Variants in CHCHD3 observed in about 807,000 individuals in gnomAD.
CHCHD3 encodes the protein coiled-coil-helix-coiled-coil-helix domain containing 3, also known as MICOS complex subunit MIC19.
A neutral mutation model predicts 38.2 loss-of-function variants in CHCHD3; 20 were observed. The ratio of observed to expected loss-of-function variants is 0.52; its 90% CI spans 0.37 to 0.76. The LOEUF (loss-of-function observed/expected upper bound fraction) is 0.76. Among genes scored for constraint, CHCHD3 ranks in the 30% least tolerant of loss-of-function variants. The pLI, the probability that CHCHD3 is intolerant of heterozygous loss-of-function variation, is 0.00. For missense variants in CHCHD3, 245 were observed against 279.2 expected (o/e 0.88, Z 0.87); for synonymous variants, 82 against 100.0 (o/e 0.82, Z 1.07).
At chr7:133,001,686 T>C (rs1356610732) in intron 3 of CHCHD3, among the ~76,000 whole-genome samples, 1 of 152,128 alleles carries the variant, frequency 6.6e-6, no homozygotes, top group African/African-American at 2.4e-5. Context: ...TCTTCCATTT[T>C]CATCAACAAA....
intron 3 of CHCHD3, among the ~76,000 whole-genome samples, chr7:133,006,679 T>C (rs1273649367): frequency 1.3e-5 from 2 of 152,020 alleles, no homozygotes; most frequent in African/African-American, 4.8e-5. Flanking sequence ...AATTTGACAA[T>C]AATAATATTT....
At chr7:132,794,014 G>C (rs904593202) in intron 7 of CHCHD3, among the ~76,000 whole-genome samples, 26 of 152,200 alleles carry the variant, frequency 1.7e-4, no homozygotes, top group African/African-American at 6.3e-4. Flanking sequence ...AACTGCTCAT[G>C]AAACACTGAT....
At chr7:132,860,746 C>T (rs1033214781) in intron 5 of CHCHD3, among the ~76,000 whole-genome samples, 1 of 152,086 alleles carries the variant, frequency 6.6e-6, no homozygotes, top group Non-Finnish European at 1.5e-5. Flanking sequence ...CCTGCCTCGG[C>T]CTCCCAAATA....
At chr7:133,051,615 TA>T (rs1408703508) in intron 2 of CHCHD3, among the ~76,000 whole-genome samples, 5 of 152,208 alleles carry the variant, frequency 3.3e-5, no homozygotes, top group African/African-American at 9.6e-5. Context: ...TTTTAAATTT[TA>T]TATATTAGTT....
intron 3 of CHCHD3, among the ~76,000 whole-genome samples, chr7:133,015,656 A>C (rs1264174701): frequency 6.6e-6 from 1 of 152,222 alleles, no homozygotes. Flanking sequence ...CCCTGTCCAC[A>C]CAGAAAGTAA....
chr7:133,032,146 T>G (rs1292622926), intron 2 of CHCHD3, among the ~76,000 whole-genome samples: 1 of 152,120 alleles, frequency 6.6e-6, no homozygotes, highest in Non-Finnish European at 1.5e-5. Context: ...AATAAACATG[T>G]TTATTATCCA....
At position 133,035,237 on chromosome 7, in the gene CHCHD3, C is replaced by A. The variant is rs1584661812; in HGVS notation, c.170-10610G>T. ...AACCCTTCTCTTTCCGTGGTGTGTCCTTTTTAGGCTGGGTCTCTGCAAACT... is the reference window on the plus strand; with the variant it reads ...AACCCTTCTCTTTCCGTGGTGTGTCATTTTTAGGCTGGGTCTCTGCAAACT... On this transcript the variant is annotated intron_variant, in intron 2 of 7. Transcript: ENST00000262570. The surrounding 1 kb of genome is among the most constrained non-coding windows in gnomAD (Gnocchi z 4.7). The A allele has an allele frequency of 2.5e-6, 4 of 1,613,680 alleles. No individual in the cohort carries two copies. The East Asian group carries it at 8.9e-5, about 36-fold the overall frequency.
In CHCHD3 at chr7:132,886,785, G is replaced by A. The variant is rs770740119; in HGVS notation, c.370-1040C>T. 4.6e-5 allele frequency among the ~76,000 whole-genome samples: 7 copies of A among 151,384 alleles called. No individual in the cohort carries two copies. The South Asian group carries it at 1.5e-3, about 32-fold the overall frequency. On this transcript the variant is annotated intron_variant, in intron 4 of 7. Transcript: ENST00000262570. Reference sequence around the variant, plus strand: ...GTAAAGTGTATACATTTCTTTAATTGTATGCATCCAGCCATCCATTAACAA... The same window carrying A: ...GTAAAGTGTATACATTTCTTTAATTATATGCATCCAGCCATCCATTAACAA...
At chr7:133,032,376 A>G (rs1400784840) in intron 2 of CHCHD3, among the ~76,000 whole-genome samples, 1 of 152,220 alleles carries the variant, frequency 6.6e-6, no homozygotes, top group African/African-American at 2.4e-5. Context: ...AAAGTTCTGC[A>G]CTGCACATTC....
At chr7:133,038,106 T>C (rs1238183636) in intron 2 of CHCHD3, among the ~76,000 whole-genome samples, 1 of 152,174 alleles carries the variant, frequency 6.6e-6, no homozygotes, top group Non-Finnish European at 1.5e-5. Flanking sequence ...GAGAGTTGGC[T>C]GGGATTAAAG....
chr7:132,979,274 C>T (rs1432289440), intron 3 of CHCHD3, among the ~76,000 whole-genome samples: 1 of 152,136 alleles, frequency 6.6e-6, no homozygotes, highest in Non-Finnish European at 1.5e-5. Flanking sequence ...AATTTCTACT[C>T]GATGGGCACA....
At chr7:132,996,423 T>A (rs1240992925) in intron 3 of CHCHD3, among the ~76,000 whole-genome samples, 2 of 152,156 alleles carry the variant, frequency 1.3e-5, no homozygotes, top group African/African-American at 4.8e-5. Context: ...TAAAAAGTTA[T>A]CCCAAAGTTA....
chr7:132,881,548 C>T (rs1371981543), intron 5 of CHCHD3, among the ~76,000 whole-genome samples: 1 of 152,090 alleles, frequency 6.6e-6, no homozygotes, highest in African/African-American at 2.4e-5. Context: ...GTAAAAGACT[C>T]GTTGATGCAA....
chr7:132,820,677 G>C (rs1052098514), intron 6 of CHCHD3, among the ~76,000 whole-genome samples: 3 of 145,062 alleles, frequency 2.1e-5, no homozygotes, highest in Non-Finnish European at 4.5e-5. Flanking sequence ...AACTGCAGGG[G>C]TTAAACGGGC....
At chr7:132,946,237 T>C (rs7786750) in intron 4 of CHCHD3, among the ~76,000 whole-genome samples, 2,858 of 151,934 alleles carry the variant, frequency 0.019, 102 homozygotes, top group African/African-American at 0.065. Context: ...CTCACTGTTA[T>C]ATACAGACAG....
intron 2 of CHCHD3, among the ~76,000 whole-genome samples, chr7:133,028,614 C>T (rs1007945890): frequency 9.2e-5 from 14 of 151,724 alleles, no homozygotes; most frequent in Admixed American, 2.0e-4. Flanking sequence ...AGGCCAGGTG[C>T]GGTGGCTCAC....
intron 3 of CHCHD3, among the ~76,000 whole-genome samples, chr7:132,982,282 A>G (rs1025535454): frequency 1.3e-5 from 2 of 152,120 alleles, no homozygotes; most frequent in African/African-American, 4.8e-5. Context: ...TGAATATGGC[A>G]TCTTAATTTT....
At chr7:132,915,846 A>T (rs1239460921) in intron 4 of CHCHD3, among the ~76,000 whole-genome samples, 1 of 152,082 alleles carries the variant, frequency 6.6e-6, no homozygotes, top group African/African-American at 2.4e-5. Flanking sequence ...GTTAATGTTT[A>T]ACTTTGTGAA....
intron 2 of CHCHD3, among the ~76,000 whole-genome samples, chr7:133,050,887 G>A (rs565445190): frequency 2.1e-4 from 32 of 151,834 alleles, no homozygotes; most frequent in African/African-American, 6.8e-4. Flanking sequence ...GTGGTGGAAC[G>A]TGCCTGTAAT....
Sources: allele counts gnomAD v4.1 joint callset (sites outside exome capture counted in the v4.1 genomes callset), GRCh38; gene constraint gnomAD v4.1.1; non-coding constraint Gnocchi (gnomAD v3.1); transcripts MANE v1.5; gene names NCBI Gene and HGNC (gene_info 2026-07-23, HGNC 2026-07-21).